TMTC1: variants seen among roughly 807,000 people sequenced by gnomAD.
TMTC1 encodes the protein protein O-mannosyl-transferase TMTC1.
Under a neutral mutation model 104.8 loss-of-function variants are expected in TMTC1, and 73 were observed. The observed-to-expected ratio is 0.70, with a 90% CI of 0.58 to 0.85. The LOEUF (loss-of-function observed/expected upper bound fraction) is 0.85, where lower values mean the gene tolerates loss of function less well. Among genes scored for constraint, TMTC1 ranks in the 40% least tolerant of loss-of-function variants. The pLI is 0.00. For synonymous variants in TMTC1, 434 were observed against 428.7 expected, an observed-to-expected ratio of 1.01 and a Z score of -0.15; for missense variants, 1,035 against 1,096.1, an observed-to-expected ratio of 0.94 and a Z score of 0.79.
At chr12:29,572,640 C>T (rs1217940644) in intron 8 of TMTC1, among the ~76,000 whole-genome samples, 1 of 152,166 alleles carries the variant, frequency 6.6e-6, no homozygotes, top group African/African-American at 2.4e-5. Context: ...TTGCAATTAA[C>T]AAGCCAATCT....
chr12:29,623,825 A>ATAAG (rs1555177659), intron 6 of TMTC1, among the ~76,000 whole-genome samples: 1 of 148,824 alleles, frequency 6.7e-6, no homozygotes, highest in African/African-American at 2.6e-5. Flanking sequence ...AAATAAATAA[A>ATAAG]TAAATTAAAT....
At chr12:29,705,273 C>T (rs1022881049) in intron 5 of TMTC1, among the ~76,000 whole-genome samples, 5 of 152,204 alleles carry the variant, frequency 3.3e-5, no homozygotes, top group African/African-American at 1.2e-4. Flanking sequence ...CTTCTCTAGT[C>T]ATCAGTTTCT....
At chr12:29,670,610 C>T (rs1398002561) in intron 5 of TMTC1, among the ~76,000 whole-genome samples, 1 of 152,080 alleles carries the variant, frequency 6.6e-6, no homozygotes, top group African/African-American at 2.4e-5. Context: ...GATGTTTGTA[C>T]ACATCAGTGA....
At chr12:29,694,228 G>A (rs983470191) in intron 5 of TMTC1, among the ~76,000 whole-genome samples, 3 of 152,080 alleles carry the variant, frequency 2.0e-5, no homozygotes, top group Non-Finnish European at 4.4e-5. Context: ...GAAAGCAGAA[G>A]CAATCTCCTC....
In TMTC1 at chr12:29,542,488, T is replaced by C. The variant is rs551262329; in HGVS notation, c.1677-6171A>G. ...GATAATAATCCTCCGTGATCTAAAATATTTTGTCTTTACTTCTCTCTTAAA... is the reference window on the plus strand; with the variant it reads ...GATAATAATCCTCCGTGATCTAAAACATTTTGTCTTTACTTCTCTCTTAAA... On this transcript the variant is annotated intron_variant, in intron 10 of 17. Transcript: ENST00000539277. 1.2e-4 allele frequency among the ~76,000 whole-genome samples: 19 copies of C among 152,302 alleles called. No individual in the cohort carries two copies. In the East Asian group the frequency reaches 2.3e-3, roughly 19 times the overall value.
chr12:29,691,052 C>T (rs540826647), intron 5 of TMTC1, among the ~76,000 whole-genome samples: 1 of 152,298 alleles, frequency 6.6e-6, no homozygotes, highest in South Asian at 2.1e-4. Context: ...CCAAAAAGAT[C>T]CCCTTCTTGC....
chr12:29,536,302 C>T lies in TMTC1; in HGVS notation c.1692G>A (p.Lys564=), dbSNP rs368566229. ...LGNLLKSQEK[K]EEAITLLKDS... is the part of the protein sequence containing the mutation. ...CCTTCAGTAAGGTGATAGCTTCTTC[C>T]TTTTTCTCCTGGGACCTATAGATAA... Residue 564 remains lysine (K), a synonymous_variant, in exon 11 of 18, where the codon AAG becomes AAA. Coordinates refer to ENST00000539277, the MANE Select transcript of TMTC1 (RefSeq NM_001193451.2). The T allele has an allele frequency of 5.8e-5, 93 of 1,609,198 alleles. No homozygotes were observed. Among genetic ancestry groups the T allele is most frequent in the Non-Finnish European group, 7.5e-5 (88 of 1,177,308 alleles).
intron 7 of TMTC1, among the ~76,000 whole-genome samples, chr12:29,590,275 C>T (rs1946244893): frequency 6.6e-6 from 1 of 152,064 alleles, no homozygotes; most frequent in Non-Finnish European, 1.5e-5. Context: ...ACATCCTATT[C>T]CGCTCTTTGA....
chr12:29,667,116 C>T (rs369128377), intron 5 of TMTC1, among the ~76,000 whole-genome samples: 3 of 152,078 alleles, frequency 2.0e-5, no homozygotes, highest in East Asian at 1.9e-4. Context: ...TTTTAAGTGT[C>T]TTTTGACACT....
chr12:29,591,330 A>G lies in TMTC1; in HGVS notation c.1251-7756T>C, dbSNP rs187574610. On this transcript the variant is annotated intron_variant, in intron 7 of 17. Transcript: ENST00000539277. ...CTTTTGAAAGTGGGAAGTCAAGCCAATGAGAAACGACATGCTTTCCTGGCC... is the reference window on the plus strand; with the variant it reads ...CTTTTGAAAGTGGGAAGTCAAGCCAGTGAGAAACGACATGCTTTCCTGGCC... 3.0e-3 allele frequency among the ~76,000 whole-genome samples: 463 copies of G among 152,290 alleles called. 3 individuals are homozygous for G. Among genetic ancestry groups the G allele is most frequent in the Middle Eastern group, 0.01 (3 of 294 alleles).
chr12:29,775,313 G>T (rs1008150722), intron 1 of TMTC1, among the ~76,000 whole-genome samples: 3 of 152,074 alleles, frequency 2.0e-5, no homozygotes, highest in African/African-American at 7.2e-5. Context: ...AAAACTCCCA[G>T]TTGAGGGCAA....
rs1943505345 is a variant in TMTC1, at chr12:29,767,843, CGTAT to C, written c.480+51_480+54del. The C allele has an allele frequency of 6.1e-6, 9 of 1,477,568 alleles. 1 individual carries two copies. In the Middle Eastern group the frequency reaches 7.0e-4, roughly 114 times the overall value. 91.5% of individuals were successfully genotyped at this position (1,477,568 alleles called of 1,614,324 possible). A position where few individuals can be genotyped will look rare whatever the true frequency, so the allele number is the denominator to read the frequency against. ...ATATGTGTGTGTATACACGTATACA[CGTAT>C]ACATACACACATTCATATTCGTTAT... On this transcript the variant is annotated intron_variant, in intron 2 of 17. Transcript: ENST00000539277.
intron 4 of TMTC1, 73 bp downstream of exon 4, chr12:29,755,636 G>T: frequency 1.5e-6 from 2 of 1,317,182 alleles, no homozygotes; most frequent in Non-Finnish European, 2.1e-6. Flanking sequence ...TTAAATGGAA[G>T]TTTGGAAACT....
chr12:29,638,731 G>C (rs983461501), intron 5 of TMTC1, among the ~76,000 whole-genome samples: 1 of 152,118 alleles, frequency 6.6e-6, no homozygotes. Flanking sequence ...TGCATGCTTC[G>C]GCTAAGGGTT....
intron 11 of TMTC1, 86 bp downstream of exon 11, chr12:29,536,123 T>G: frequency 1.1e-6 from 1 of 927,178 alleles, no homozygotes; most frequent in Non-Finnish European, 1.7e-6. Flanking sequence ...GGTTTACAAA[T>G]TAAATCATTA....
chr12:29,517,514 G>T lies in TMTC1; in HGVS notation c.2082C>A (p.Tyr694Ter). The change falls in exon 14 of 18, where the codon TAC becomes TAA. Residue 694 changes from tyrosine to a stop codon, truncating the protein, a stop_gained. Coordinates refer to ENST00000539277, the MANE Select transcript of TMTC1 (RefSeq NM_001193451.2). LOFTEE classifies it high-confidence loss of function. ...AAGCCTCTTCGTATCGGCCAGTGTTGTAATACAGTGCTCCCAAAGGTGACA... is the reference window on the plus strand; with the variant it reads ...AAGCCTCTTCGTATCGGCCAGTGTTTTAATACAGTGCTCCCAAAGGTGACA... ...EILSPLGALY[Y>*]NTGRYEEALQ... The T allele has an allele frequency of 6.2e-7, 1 of 1,614,120 alleles. No homozygotes were observed. Among genetic ancestry groups the T allele is most frequent in the Non-Finnish European group, 8.5e-7 (1 of 1,180,018 alleles).
intron 6 of TMTC1, among the ~76,000 whole-genome samples, chr12:29,618,368 C>T (rs7955968): frequency 6.6e-6 from 1 of 152,078 alleles, no homozygotes; most frequent in Non-Finnish European, 1.5e-5. Flanking sequence ...CTAGGTCCTA[C>T]ATATATTATT....
chr12:29,600,787 T>C (rs1946543833), intron 7 of TMTC1, among the ~76,000 whole-genome samples: 1 of 152,096 alleles, frequency 6.6e-6, no homozygotes, highest in Non-Finnish European at 1.5e-5. Flanking sequence ...TGAGATGGCA[T>C]CTCCGGAGGG....
chr12:29,608,238 C>A (rs188335325), intron 6 of TMTC1, among the ~76,000 whole-genome samples: 3 of 152,130 alleles, frequency 2.0e-5, no homozygotes, highest in Admixed American at 6.5e-5. Context: ...TAGGAGGGAA[C>A]CCGATTCTGT....
Sources: gnomAD v4.1 joint callset for allele counts (sites outside exome capture counted in the v4.1 genomes callset) on GRCh38, gnomAD v4.1.1 for gene constraint, MANE v1.5 for transcripts, NCBI Gene and HGNC (gene_info 2026-07-23, HGNC 2026-07-21) for gene names.